COL9A1: variants seen among roughly 807,000 people sequenced by gnomAD.
COL9A1 encodes the protein collagen alpha-1(IX) chain.
A neutral mutation model predicts 142.6 loss-of-function variants in COL9A1; 104 were observed. The ratio of observed to expected loss-of-function variants is 0.73; its 90% CI spans 0.62 to 0.86. The LOEUF is 0.86. Ranked by LOEUF, COL9A1 falls within the 40% of genes least tolerant of loss-of-function variation. COL9A1 has a pLI of 0.00. For missense variants in COL9A1, 1,210 were observed against 1,176.6 expected, an observed-to-expected ratio of 1.03 and a Z score of -0.42; for synonymous variants, 466 against 396.0, an observed-to-expected ratio of 1.18 and a Z score of -2.10.
At chr6:70,251,728 CT>C (rs1401228135) in intron 28 of COL9A1, among the ~76,000 whole-genome samples, 1 of 151,948 alleles carries the variant, frequency 6.6e-6, no homozygotes, top group Non-Finnish European at 1.5e-5. Flanking sequence ...GTATAAGATT[CT>C]TTTTTTAGGT....
intron 20 of COL9A1, among the ~76,000 whole-genome samples, chr6:70,258,117 A>G (rs561573999): frequency 6.6e-6 from 1 of 152,214 alleles, no homozygotes; most frequent in Admixed American, 6.5e-5. Flanking sequence ...CTTTATTTTC[A>G]TCATGAGAAT....
chr6:70,251,896 A>G (rs772279339), intron 28 of COL9A1, among the ~76,000 whole-genome samples: 1 of 152,196 alleles, frequency 6.6e-6, no homozygotes, highest in Non-Finnish European at 1.5e-5. Flanking sequence ...ACATGGGGTG[A>G]GGGCAGAAAG....
At chr6:70,283,178 T>C (rs1338409155) in intron 6 of COL9A1, 10 of 1,496,610 alleles carry the variant, frequency 6.7e-6, no homozygotes, top group Non-Finnish European at 2.7e-6. Context: ...GGAGTAGCGG[T>C]TGCCAAAGCG....
chr6:70,280,828 C>T lies in COL9A1; in HGVS notation c.959G>A (p.Gly320Asp), dbSNP rs187291813. Residue 320 changes from glycine (G) to aspartate (D), a missense_variant, in exon 10 of 38, where the codon GGC becomes GAC. By Grantham distance (94) the Gly-to-Asp change is moderately conservative. Transcript: ENST00000357250. ...PGKPGAPGKP[G>D]TPGADGLTGP... ...CCTACTCACATCAGCGCCAGGTGTG[C>T]CAGGCTTGCCTGGAGCTCCTGGCTT... 44 of 1,613,028 alleles carry T rather than the reference C, an allele frequency of 2.7e-5. No homozygotes were observed. The Admixed American group carries it at 6.5e-4, about 24-fold the overall frequency.
chr6:70,231,230 C>T (rs180799166), intron 36 of COL9A1, among the ~76,000 whole-genome samples: 6 of 152,278 alleles, frequency 3.9e-5, no homozygotes, highest in Non-Finnish European at 7.3e-5. Context: ...AAGGCCAGGT[C>T]GTCATGATCC....
chr6:70,266,462 A>G (rs1398423133), intron 18 of COL9A1, among the ~76,000 whole-genome samples: 1 of 152,212 alleles, frequency 6.6e-6, no homozygotes, highest in Non-Finnish European at 1.5e-5. Flanking sequence ...TTTGAAAAGA[A>G]AAGAAAAGGT....
At chr6:70,287,264 A>G (rs1475607328) in intron 5 of COL9A1, among the ~76,000 whole-genome samples, 6 of 152,178 alleles carry the variant, frequency 3.9e-5, no homozygotes, top group Admixed American at 6.5e-5. Flanking sequence ...GGCAGAGTAG[A>G]CATCCGATTT....
intron 5 of COL9A1, among the ~76,000 whole-genome samples, chr6:70,288,585 C>T (rs547721228): frequency 6.6e-6 from 1 of 152,322 alleles, no homozygotes; most frequent in African/African-American, 2.4e-5. Flanking sequence ...CATGTTACCT[C>T]TCCAACCTCA....
At chr6:70,248,755 TG>T (rs1241006599) in intron 28 of COL9A1, among the ~76,000 whole-genome samples, 1 of 152,136 alleles carries the variant, frequency 6.6e-6, no homozygotes, top group East Asian at 1.9e-4. Context: ...ATTGATTGAG[TG>T]CTACCTTATG....
chr6:70,241,936 G>C, intron 30 of COL9A1, 28 bp downstream of exon 30: 2 of 1,559,186 alleles, frequency 1.3e-6, no homozygotes, highest in Non-Finnish European at 1.7e-6. Context: ...TCCAAATAAA[G>C]AACCTTCTGG....
intron 37 of COL9A1, among the ~76,000 whole-genome samples, chr6:70,225,531 C>G (rs1489469776): frequency 6.6e-6 from 1 of 151,714 alleles, no homozygotes; most frequent in Non-Finnish European, 1.5e-5. Context: ...TTCAGTTACT[C>G]CTTGTGCAAG....
intron 32 of COL9A1, 39 bp from the exon 33 acceptor site, chr6:70,239,325 T>G: frequency 7.6e-7 from 1 of 1,308,818 alleles, no homozygotes; most frequent in South Asian, 1.2e-5. Context: ...AACAATGTAT[T>G]CACATTTGAT....
rs1771622251 is a variant in COL9A1 at position 70,260,700 on chromosome 6, C to A, written c.1406G>T (p.Gly469Val). Residue 469 changes from glycine to valine, a missense_variant, in exon 20 of 38, where the codon GGT becomes GTT. By Grantham distance (109) the Gly-to-Val change is moderately radical (BLOSUM62 -3). Coordinates refer to ENST00000357250, the MANE Select transcript of COL9A1 (RefSeq NM_001851.6). ...AACTATGCCGGTGATGCCTCGCAAA[C>A]CCTGGGCTCCCTGGAAATGTGAAAA... ...VGAQGPPGAQ[G>V]LRGITGIVGD... The A allele has an allele frequency of 2.5e-6, 4 of 1,613,770 alleles. No homozygotes were observed. The highest frequency in any genetic ancestry group is 4.5e-5 in the East Asian group (2 of 44,876).
chr6:70,302,496 C>A (rs1774110975), intron 1 of COL9A1, among the ~76,000 whole-genome samples: 1 of 152,142 alleles, frequency 6.6e-6, no homozygotes, highest in African/African-American at 2.4e-5. Flanking sequence ...GCATAAGCCA[C>A]CGCACCCAGC....
At position 70,269,763 on chromosome 6, in the gene COL9A1, T is replaced by A. The variant is rs1202386692; in HGVS notation, c.1198-98A>T. The A allele has an allele frequency of 5.3e-6, 4 of 753,778 alleles. No homozygotes were observed. In the East Asian group the frequency reaches 1.1e-4, roughly 20 times the overall value. 46.7% of individuals were successfully genotyped at this position (753,778 alleles called of 1,614,324 possible). A position where few individuals can be genotyped will look rare whatever the true frequency, so the allele number is the denominator to read the frequency against. On this transcript the variant is annotated intron_variant, in intron 15 of 37. Transcript: ENST00000357250. ...TCATCAGGCAAAAGTATAAAATATA[T>A]TTGTTTAATAAAATATAAGAAACCA...
chr6:70,238,674 G>C (rs903927611), intron 33 of COL9A1, among the ~76,000 whole-genome samples: 2 of 152,038 alleles, frequency 1.3e-5, no homozygotes, highest in Non-Finnish European at 2.9e-5. Flanking sequence ...GTATTACCAT[G>C]TAACACTCAT....
rs771974807 is a variant in COL9A1 at position 70,281,429 on chromosome 6, A to T, written c.837T>A (p.Pro279=). The T allele has an allele frequency of 1.9e-6, 3 of 1,612,740 alleles. No homozygotes were observed. Among genetic ancestry groups the T allele is most frequent in the Non-Finnish European group, 2.5e-6 (3 of 1,179,590 alleles). ...TGCCTGGAACTCCAGGGGGGCCCGG[A>T]GGCCCGGGAGGACCCTGCTCACCCG... ...GPPGEQGPPG[P]PGPPGVPGID... The change falls in exon 8 of 38, where the codon CCT becomes CCA. Residue 279 remains proline, a synonymous_variant. Transcript: ENST00000357250.
At chr6:70,302,528 C>A (rs1479404499) in intron 1 of COL9A1, among the ~76,000 whole-genome samples, 2 of 151,992 alleles carry the variant, frequency 1.3e-5, no homozygotes, top group Non-Finnish European at 2.9e-5. Flanking sequence ...CTTTGAAACC[C>A]TACTGAGAGA....
chr6:70,265,326 G>C (rs1470539274), intron 18 of COL9A1, among the ~76,000 whole-genome samples: 1 of 151,986 alleles, frequency 6.6e-6, no homozygotes, highest in East Asian at 1.9e-4. Context: ...GAAGGAGAAA[G>C]GGATACAAAC....
Sources: gnomAD v4.1 joint callset for allele counts (sites outside exome capture counted in the v4.1 genomes callset) on GRCh38, gnomAD v4.1.1 for gene constraint, MANE v1.5 for transcripts, NCBI Gene and HGNC (gene_info 2026-07-23, HGNC 2026-07-21) for gene names.